TMEM135: variants seen among roughly 807,000 people sequenced by gnomAD.
The protein encoded by TMEM135 is transmembrane protein 135.
A neutral mutation model predicts 60.3 loss-of-function variants in TMEM135; 30 were observed. The ratio of observed to expected loss-of-function variants is 0.50; its 90% CI spans 0.37 to 0.68. The LOEUF (loss-of-function observed/expected upper bound fraction) is 0.68, where lower values mean the gene tolerates loss of function less well. Among genes scored for constraint, TMEM135 ranks in the 30% least tolerant of loss-of-function variants. TMEM135 has a pLI of 0.00. For synonymous variants in TMEM135, 190 were observed against 186.7 expected, an observed-to-expected ratio of 1.02 and a Z score of -0.14; for missense variants, 468 against 548.8, an observed-to-expected ratio of 0.85 and a Z score of 1.47.
intron 12 of TMEM135, 52 bp from the exon 13 acceptor site, chr11:87,318,085 T>C (rs1942761675): frequency 7.0e-7 from 1 of 1,434,914 alleles, no homozygotes. Flanking sequence ...CAACTATGTT[T>C]TTAATGCTGA....
intron 6 of TMEM135, among the ~76,000 whole-genome samples, chr11:87,239,834 A>C (rs914214495): frequency 6.6e-6 from 1 of 151,594 alleles, no homozygotes; most frequent in Non-Finnish European, 1.5e-5. Context: ...TGACTATACT[A>C]TGAATTTACT....
chr11:87,233,889 A>G (rs1254610899), intron 5 of TMEM135, among the ~76,000 whole-genome samples: 1 of 152,084 alleles, frequency 6.6e-6, no homozygotes, highest in Non-Finnish European at 1.5e-5. Flanking sequence ...AAATTCTGTA[A>G]TTTCAAACAC....
At chr11:87,122,455 AT>A in intron 4 of TMEM135, among the ~76,000 whole-genome samples, 1 of 148,104 alleles carries the variant, frequency 6.8e-6, no homozygotes, top group South Asian at 2.1e-4. Context: ...TTATTTATTT[AT>A]TTATTTATTA....
At chr11:87,194,644 C>G in intron 5 of TMEM135, among the ~76,000 whole-genome samples, 1 of 152,192 alleles carries the variant, frequency 6.6e-6, no homozygotes, top group African/African-American at 2.4e-5. Flanking sequence ...AAAATTTTTG[C>G]CTTCTTGTTC....
chr11:87,173,864 A>G (rs1322271517), intron 5 of TMEM135, among the ~76,000 whole-genome samples: 2 of 152,118 alleles, frequency 1.3e-5, no homozygotes, highest in East Asian at 3.8e-4. Flanking sequence ...TTGGGTTGGC[A>G]TTTGTTGCCA....
intron 6 of TMEM135, among the ~76,000 whole-genome samples, chr11:87,287,937 G>T (rs1332750907): frequency 6.6e-6 from 1 of 152,080 alleles, no homozygotes; most frequent in Non-Finnish European, 1.5e-5. Context: ...TGTTCAATCT[G>T]TTCCTAAATG....
At chr11:87,265,796 A>C (rs1286261374) in intron 6 of TMEM135, among the ~76,000 whole-genome samples, 1 of 152,126 alleles carries the variant, frequency 6.6e-6, no homozygotes, top group Non-Finnish European at 1.5e-5. Context: ...ATAGCTTATT[A>C]TTAAACATTG....
chr11:87,067,796 T>C lies in TMEM135; in HGVS notation c.244T>C (p.Tyr82His). Residue 82 changes from tyrosine (Y) to histidine (H), a missense_variant, in exon 2 of 15, where the codon TAT becomes CAT. By Grantham distance (83) the Tyr-to-His change is moderately conservative. Transcript: ENST00000305494. ...ATTTCTAACTGCTAATGGGGCCTTGTATATGGCTTTCTTTTGCATTTTAAG... is the reference window on the plus strand; with the variant it reads ...ATTTCTAACTGCTAATGGGGCCTTGCATATGGCTTTCTTTTGCATTTTAAG... ...ASFLTANGALYMAFFCILRKI... is the reference protein window; with the variant it reads ...ASFLTANGALHMAFFCILRKI... 6.2e-7 allele frequency: 1 copy of C among 1,613,890 alleles called. No homozygotes were observed. The highest frequency in any genetic ancestry group is 1.3e-5 in the African/African-American group (1 of 75,038).
At chr11:87,131,781 C>G (rs1485910515) in intron 4 of TMEM135, among the ~76,000 whole-genome samples, 1 of 152,102 alleles carries the variant, frequency 6.6e-6, no homozygotes, top group East Asian at 1.9e-4. Flanking sequence ...GGTCCGTGGC[C>G]TGTTAGGAAC....
intron 6 of TMEM135, among the ~76,000 whole-genome samples, chr11:87,241,421 G>C (rs1459178178): frequency 6.6e-6 from 1 of 151,900 alleles, no homozygotes; most frequent in Non-Finnish European, 1.5e-5. Flanking sequence ...GAGATGTTTT[G>C]ATACAGGCAT....
intron 6 of TMEM135, among the ~76,000 whole-genome samples, chr11:87,287,180 A>T (rs2135425998): frequency 6.6e-6 from 1 of 152,376 alleles, no homozygotes. Context: ...AGCTGAACTC[A>T]TGAAGTACAA....
intron 5 of TMEM135, among the ~76,000 whole-genome samples, chr11:87,228,693 C>G (rs1228300562): frequency 6.6e-6 from 1 of 152,128 alleles, no homozygotes. Context: ...ATCAAATACA[C>G]TAATGAAAAG....
chr11:87,055,051 A>C (rs1002915983), intron 1 of TMEM135, among the ~76,000 whole-genome samples: 3 of 152,258 alleles, frequency 2.0e-5, no homozygotes, highest in Admixed American at 6.5e-5. Context: ...GGGAAGGTAA[A>C]CTTTAAATAA....
chr11:87,074,391 T>A (rs1272705482), intron 3 of TMEM135, among the ~76,000 whole-genome samples: 3 of 152,116 alleles, frequency 2.0e-5, no homozygotes, highest in African/African-American at 4.8e-5. Flanking sequence ...GTAAGTAGAG[T>A]TATTCTGGTG....
intron 6 of TMEM135, among the ~76,000 whole-genome samples, chr11:87,257,515 C>T (rs1274598650): frequency 6.6e-6 from 1 of 152,086 alleles, no homozygotes; most frequent in Non-Finnish European, 1.5e-5. Context: ...CATTTCTCGT[C>T]TTCAGTGGGG....
chr11:87,302,880 A>T (rs1942472562), intron 8 of TMEM135, among the ~76,000 whole-genome samples: 1 of 152,236 alleles, frequency 6.6e-6, no homozygotes, highest in Admixed American at 6.5e-5. Flanking sequence ...GGGGTTCTCA[A>T]ACTGAAATGT....
chr11:87,058,502 TG>T (rs1226837477), intron 1 of TMEM135, among the ~76,000 whole-genome samples: 1 of 152,138 alleles, frequency 6.6e-6, no homozygotes, highest in Non-Finnish European at 1.5e-5. Context: ...ACTAATTTTT[TG>T]TATTTTTAGT....
chr11:87,113,228 G>T (rs554322809), intron 4 of TMEM135, among the ~76,000 whole-genome samples: 3 of 152,160 alleles, frequency 2.0e-5, no homozygotes, highest in Non-Finnish European at 4.4e-5. Flanking sequence ...AAAAGCTGCA[G>T]GAGTCAGGCA....
intron 6 of TMEM135, among the ~76,000 whole-genome samples, chr11:87,271,199 A>T (rs1358034204): frequency 6.6e-6 from 1 of 152,192 alleles, no homozygotes; most frequent in Non-Finnish European, 1.5e-5. Context: ...CACCAAAAAA[A>T]TATCTGTAAT....
Sources: gnomAD v4.1 joint callset for allele counts (sites outside exome capture counted in the v4.1 genomes callset) on GRCh38, gnomAD v4.1.1 for gene constraint, MANE v1.5 for transcripts, NCBI Gene and HGNC (gene_info 2026-07-23, HGNC 2026-07-21) for gene names.